STPG2: variants seen among roughly 807,000 people sequenced by gnomAD.
STPG2 encodes the protein sperm tail PG-rich repeat containing 2.
A neutral mutation model predicts 54.2 loss-of-function variants in STPG2; 56 were observed. The ratio of observed to expected loss-of-function variants is 1.03; its 90% CI spans 0.83 to 1.29. STPG2 has a LOEUF of 1.29. STPG2 is among the 50% of genes most tolerant of loss of function. STPG2 has a pLI of 0.00. For synonymous variants in STPG2, 200 were observed against 181.8 expected (o/e 1.10, Z -0.81); for missense variants, 596 against 544.9 (o/e 1.09, Z -0.93).
At chr4:97,730,266 GT>G (rs1402068976) in intron 9 of STPG2, among the ~76,000 whole-genome samples, 1 of 152,120 alleles carries the variant, frequency 6.6e-6, no homozygotes, top group African/African-American at 2.4e-5. Context: ...TTGGTTTTCT[GT>G]TTCTGCATTA....
chr4:97,826,989 G>T (rs1728278675), intron 9 of STPG2, among the ~76,000 whole-genome samples: 1 of 152,124 alleles, frequency 6.6e-6, no homozygotes, highest in Non-Finnish European at 1.5e-5. Flanking sequence ...ATCAGCTACA[G>T]GAATTTGACA....
chr4:97,607,920 A>T (rs1016642999), intron 10 of STPG2, among the ~76,000 whole-genome samples: 1 of 152,012 alleles, frequency 6.6e-6, no homozygotes, highest in Non-Finnish European at 1.5e-5. Context: ...GTTCAGTTTT[A>T]TACACCTGTC....
At chr4:97,964,881 G>A (rs1006832131) in intron 7 of STPG2, among the ~76,000 whole-genome samples, 2 of 152,168 alleles carry the variant, frequency 1.3e-5, no homozygotes, top group African/African-American at 4.8e-5. Flanking sequence ...TTCCAAGATG[G>A]CCGAATAGGA....
intron 5 of STPG2, among the ~76,000 whole-genome samples, chr4:97,986,215 C>G (rs1734827817): frequency 6.6e-6 from 1 of 152,162 alleles, no homozygotes; most frequent in Non-Finnish European, 1.5e-5. Context: ...CTATAGTCAC[C>G]TGAAGGTTAA....
intron 8 of STPG2, among the ~76,000 whole-genome samples, chr4:97,902,476 T>G (rs1731215778): frequency 6.6e-6 from 1 of 152,126 alleles, no homozygotes; most frequent in Non-Finnish European, 1.5e-5. Context: ...AACTAACAGT[T>G]GGCAAAATAC....
intron 4 of STPG2, among the ~76,000 whole-genome samples, chr4:97,525,637 G>A (rs1214603452): frequency 2.6e-5 from 4 of 151,870 alleles, no homozygotes; most frequent in Non-Finnish European, 4.4e-5. Flanking sequence ...AAAAACTATT[G>A]TACATGTGAA....
chr4:97,810,802 C>G (rs1727711777), intron 9 of STPG2, among the ~76,000 whole-genome samples: 1 of 152,108 alleles, frequency 6.6e-6, no homozygotes, highest in African/African-American at 2.4e-5. Context: ...GAAAGCTATT[C>G]TTTACAAAAA....
intron 10 of STPG2, among the ~76,000 whole-genome samples, chr4:97,657,963 C>A (rs1357274872): frequency 6.6e-6 from 1 of 152,166 alleles, no homozygotes; most frequent in Non-Finnish European, 1.5e-5. Flanking sequence ...CAAAACTGCT[C>A]CTTCTTCAGA....
intron 3 of STPG2, among the ~76,000 whole-genome samples, chr4:98,122,851 T>C (rs1739719190): frequency 1.3e-5 from 2 of 152,172 alleles, no homozygotes; most frequent in Admixed American, 1.3e-4. Flanking sequence ...TCAGAACTCA[T>C]TATTACTGCT....
intron 5 of STPG2, among the ~76,000 whole-genome samples, chr4:98,080,446 A>T (rs2110115572): frequency 6.6e-6 from 1 of 152,286 alleles, no homozygotes; most frequent in East Asian, 1.9e-4. Flanking sequence ...CTTCAGTCAC[A>T]AATGGACCAC....
At chr4:97,572,624 C>A (rs1732627933) in intron 10 of STPG2, 1 of 152,130 alleles carries the variant, frequency 6.6e-6, no homozygotes, top group African/African-American at 2.4e-5. Context: ...TGTAAACCCA[C>A]ATGATCCCAT....
At chr4:97,916,587 C>T (rs978599078) in intron 8 of STPG2, 1 of 152,882 alleles carries the variant, frequency 6.5e-6, no homozygotes, top group Non-Finnish European at 1.5e-5. Context: ...GGTTGGCTGG[C>T]ACCGAAACAA....
intron 8 of STPG2, among the ~76,000 whole-genome samples, chr4:97,853,996 T>G (rs1019349459): frequency 1.9e-4 from 29 of 152,110 alleles, no homozygotes; most frequent in Non-Finnish European, 8.8e-5. Context: ...TTGTTGTTGT[T>G]TGTTTGTTTT....
At chr4:97,569,335 C>T (rs1227588257) in intron 10 of STPG2, among the ~76,000 whole-genome samples, 6 of 152,138 alleles carry the variant, frequency 3.9e-5, no homozygotes, top group Non-Finnish European at 2.9e-5. Context: ...GACAATAAGA[C>T]GTCACTTTTG....
chr4:97,807,731 G>A (rs1560536520), intron 9 of STPG2, among the ~76,000 whole-genome samples: 1 of 151,796 alleles, frequency 6.6e-6, no homozygotes. Flanking sequence ...GAGATATACT[G>A]ACTAAGAACT....
In STPG2 at chr4:98,028,402, A is replaced by C. The variant is rs151028109; in HGVS notation, c.613-47084T>G. Among the ~76,000 whole-genome samples, 54 of 152,290 alleles carry C rather than the reference A, an allele frequency of 3.5e-4. No homozygotes were observed. The East Asian group carries it at 9.8e-3, about 28-fold the overall frequency. ...TTATCCAAATCCAAGGACATTCCTT[A>C]CAAAGTCTAGTTTCCACATAATTAT... On this transcript the variant is annotated intron_variant, in intron 5 of 10. Coordinates refer to ENST00000295268, the MANE Select transcript of STPG2 (RefSeq NM_174952.3).
At chr4:98,099,942 G>A (rs536283613) in intron 5 of STPG2, among the ~76,000 whole-genome samples, 2 of 151,958 alleles carry the variant, frequency 1.3e-5, no homozygotes, top group South Asian at 4.2e-4. Context: ...TAAGGAGACG[G>A]ATACCCAATT....
chr4:97,849,255 T>G (rs981539333), intron 8 of STPG2, among the ~76,000 whole-genome samples: 46 of 151,758 alleles, frequency 3.0e-4, no homozygotes, highest in African/African-American at 1.0e-3. Flanking sequence ...TTATTCTCTT[T>G]GAAGCAATTG....
chr4:97,987,601 G>A (rs1316437806), intron 5 of STPG2, among the ~76,000 whole-genome samples: 4 of 151,906 alleles, frequency 2.6e-5, no homozygotes, highest in Non-Finnish European at 5.9e-5. Flanking sequence ...ACATTGATAA[G>A]TACCTTTTAT....
Sources: gnomAD v4.1 joint callset for allele counts (sites outside exome capture counted in the v4.1 genomes callset) on GRCh38, gnomAD v4.1.1 for gene constraint, MANE v1.5 for transcripts, NCBI Gene and HGNC (gene_info 2026-07-23, HGNC 2026-07-21) for gene names.